ADGRV1: variants seen among roughly 807,000 people sequenced by gnomAD.
ADGRV1 encodes the protein adhesion G protein-coupled receptor V1.
In ADGRV1, 359 loss-of-function variants were observed where a neutral mutation model predicts 596.2. The observed-to-expected ratio is 0.60, with a 90% CI of 0.55 to 0.66. The LOEUF (loss-of-function observed/expected upper bound fraction) is 0.66. Ranked by LOEUF, ADGRV1 falls within the 30% of genes least tolerant of loss-of-function variation. The pLI is 0.00. For synonymous variants in ADGRV1, 2,681 were observed against 2,679.2 expected (o/e 1.00, Z -0.02); for missense variants, 7,274 against 7,575.6 (o/e 0.96, Z 1.48).
intron 1 of ADGRV1, among the ~76,000 whole-genome samples, chr5:90,597,746 G>A (rs1270058871): frequency 6.9e-6 from 1 of 145,358 alleles, no homozygotes; most frequent in Non-Finnish European, 1.5e-5. Flanking sequence ...GAGAAGAGAA[G>A]AGAGGAAGAA....
intron 1 of ADGRV1, among the ~76,000 whole-genome samples, chr5:90,559,466 A>G (rs1275480814): frequency 1.3e-5 from 2 of 152,266 alleles, no homozygotes; most frequent in African/African-American, 4.8e-5. Flanking sequence ...AATAATATGT[A>G]TATGTATATA....
At chr5:90,731,758 A>T (rs1752577696) in intron 50 of ADGRV1, among the ~76,000 whole-genome samples, 2 of 152,182 alleles carry the variant, frequency 1.3e-5, no homozygotes, top group Admixed American at 1.3e-4. Flanking sequence ...AGCAGTTTTC[A>T]CACATTTTGC....
rs1334344612 is a variant in ADGRV1 at position 90,711,008 on chromosome 5, T to G, written c.8852T>G (p.Ile2951Ser). ...LDSEGLTAQV[I>S]IDANDGARGV... ...TCAGAAGGTTTGACTGCACAAGTTATTATTGATGCCAATGATGGGGCCCGA... is the reference window on the plus strand; with the variant it reads ...TCAGAAGGTTTGACTGCACAAGTTAGTATTGATGCCAATGATGGGGCCCGA... Residue 2951 changes from isoleucine (I) to serine (S), a missense_variant, in exon 40 of 90, where the codon ATT (isoleucine) becomes AGT (serine). This residue lies in a region of ADGRV1 where 3,643 missense variants were observed against 3,809.2 expected (regional missense o/e 0.96). Coordinates refer to ENST00000405460, the MANE Select transcript of ADGRV1 (RefSeq NM_032119.4). 2.5e-6 allele frequency: 4 copies of G among 1,610,904 alleles called. No homozygotes were observed. In the African/African-American group the frequency reaches 5.3e-5, roughly 22 times the overall value.
At chr5:90,961,509 G>GT (rs1178396462) in intron 83 of ADGRV1, among the ~76,000 whole-genome samples, 1 of 139,462 alleles carries the variant, frequency 7.2e-6, no homozygotes, top group African/African-American at 2.9e-5. Flanking sequence ...AAAAAAAAAG[G>GT]GGGGGTGGCG....
intron 84 of ADGRV1, among the ~76,000 whole-genome samples, chr5:90,983,118 A>T (rs959581258): frequency 6.6e-6 from 1 of 152,208 alleles, no homozygotes; most frequent in African/African-American, 2.4e-5. Flanking sequence ...TTTAAGAAGA[A>T]ATTTAAATTA....
chr5:91,104,353 G>A (rs1002490316), intron 87 of ADGRV1, among the ~76,000 whole-genome samples: 1 of 152,126 alleles, frequency 6.6e-6, no homozygotes, highest in African/African-American at 2.4e-5. Flanking sequence ...ACATAGTGAC[G>A]TATTGATACA....
intron 85 of ADGRV1, among the ~76,000 whole-genome samples, chr5:91,043,493 G>C (rs1785538408): frequency 6.6e-6 from 1 of 152,096 alleles, no homozygotes; most frequent in African/African-American, 2.4e-5. Context: ...TTAGAGCACA[G>C]ACTCGGGAGC....
At chr5:91,082,764 T>A (rs1789512746) in intron 86 of ADGRV1, among the ~76,000 whole-genome samples, 1 of 152,200 alleles carries the variant, frequency 6.6e-6, no homozygotes, top group African/African-American at 2.4e-5. Flanking sequence ...TTAGTTGGTA[T>A]CAACATGGTG....
At chr5:90,891,223 TC>T (rs953068927) in intron 83 of ADGRV1, among the ~76,000 whole-genome samples, 1 of 149,392 alleles carries the variant, frequency 6.7e-6, no homozygotes, top group Non-Finnish European at 1.5e-5. Context: ...CATTTAGACT[TC>T]CTTTTGATTA....
chr5:90,926,855 A>G (rs964198518), intron 83 of ADGRV1, among the ~76,000 whole-genome samples: 17 of 152,044 alleles, frequency 1.1e-4, no homozygotes, highest in African/African-American at 3.6e-4. Context: ...ATTGGTTTCA[A>G]AGAACATCTT....
chr5:90,891,287 ATG>A (rs1352611036), intron 83 of ADGRV1, among the ~76,000 whole-genome samples: 4 of 150,794 alleles, frequency 2.7e-5, no homozygotes, highest in Non-Finnish European at 5.9e-5. Context: ...TTAGCAATAG[ATG>A]TGTGTATTGG....
chr5:91,107,329 A>G (rs1791969558), intron 87 of ADGRV1, among the ~76,000 whole-genome samples: 1 of 152,206 alleles, frequency 6.6e-6, no homozygotes, highest in Admixed American at 6.5e-5. Flanking sequence ...ATCTGGAGGA[A>G]AGATTTGTTG....
intron 76 of ADGRV1, among the ~76,000 whole-genome samples, chr5:90,824,881 C>T (rs1035890956): frequency 2.0e-5 from 3 of 152,134 alleles, no homozygotes; most frequent in African/African-American, 7.2e-5. Context: ...AACTCTTCTT[C>T]ATGCATTTCT....
At chr5:91,042,238 A>G (rs1397841547) in intron 85 of ADGRV1, among the ~76,000 whole-genome samples, 3 of 152,224 alleles carry the variant, frequency 2.0e-5, no homozygotes, top group African/African-American at 4.8e-5. Context: ...TTAAATAATA[A>G]AAACAATCAA....
At chr5:90,728,534 T>C (rs911428048) in intron 48 of ADGRV1, 135 bp from the exon 49 acceptor site, 54 of 760,930 alleles carry the variant, frequency 7.1e-5, no homozygotes, top group Non-Finnish European at 1.1e-4. Context: ...TCAGTTTTAG[T>C]ATTTTCTTAT....
chr5:91,158,581 T>C (rs1282186457), intron 89 of ADGRV1, among the ~76,000 whole-genome samples: 1 of 152,190 alleles, frequency 6.6e-6, no homozygotes, highest in Non-Finnish European at 1.5e-5. Context: ...CTAAAATATG[T>C]GTCAGAGAGT....
At chr5:90,864,751 A>G (rs1767930249) in intron 83 of ADGRV1, among the ~76,000 whole-genome samples, 1 of 152,202 alleles carries the variant, frequency 6.6e-6, no homozygotes, top group African/African-American at 2.4e-5. Flanking sequence ...AGAATATTCT[A>G]TATAATGCTC....
chr5:90,672,244 G>C (rs1289162797), intron 21 of ADGRV1, among the ~76,000 whole-genome samples: 1 of 152,176 alleles, frequency 6.6e-6, no homozygotes, highest in Non-Finnish European at 1.5e-5. Flanking sequence ...TGCAACCATA[G>C]CATATGGCAC....
chr5:90,788,512 T>A lies in ADGRV1; in HGVS notation c.13893+202T>A, dbSNP rs192161083. ...GCCTGATTATTGGTAATATTTTTTTTAAAAACATTTTAGTATATGATACTT... is the reference window on the plus strand; with the variant it reads ...GCCTGATTATTGGTAATATTTTTTTAAAAAACATTTTAGTATATGATACTT... On this transcript the variant is annotated intron_variant, in intron 68 of 89. Transcript: ENST00000405460. Among the ~76,000 whole-genome samples, 966 of 152,260 alleles carry A rather than the reference T, an allele frequency of 6.3e-3. 2 individuals carry two copies. The highest frequency in any genetic ancestry group is 6.8e-3 in the Non-Finnish European group (461 of 68,018).
Sources: allele counts gnomAD v4.1 joint callset (sites outside exome capture counted in the v4.1 genomes callset), GRCh38; gene constraint gnomAD v4.1.1; regional missense constraint gnomAD v4.1.1; transcripts MANE v1.5; gene names NCBI Gene and HGNC (gene_info 2026-07-23, HGNC 2026-07-21).